Variants in CSNK1G1 observed in about 807,000 individuals in gnomAD.
The protein encoded by CSNK1G1 is casein kinase I isoform gamma-1.
A neutral mutation model predicts 59.6 loss-of-function variants in CSNK1G1; 22 were observed. That is an observed-to-expected ratio of 0.37 (90% CI 0.26 to 0.53). CSNK1G1 has a LOEUF of 0.53. Among genes scored for constraint, CSNK1G1 ranks in the 20% least tolerant of loss-of-function variants. CSNK1G1 has a pLI of 0.89. For missense variants in CSNK1G1, 384 were observed against 519.5 expected, an observed-to-expected ratio of 0.74 and a Z score of 2.54; for synonymous variants, 179 against 177.1, an observed-to-expected ratio of 1.01 and a Z score of -0.08.
At position 64,216,934 on chromosome 15, in the gene CSNK1G1, G is replaced by A. The variant is rs1284632796; in HGVS notation, c.293-221C>T. ...GTCATTGCACAATACGTTCAAATGA[G>A]TAGTTATTTAATACCACAGTGCCAA... On this transcript the variant is annotated intron_variant, in intron 4 of 11. Coordinates refer to ENST00000303052, the MANE Select transcript of CSNK1G1 (RefSeq NM_022048.5). This position sits in a 1 kb window ranked among gnomAD's most constrained non-coding sequence, Gnocchi z 4.6. 6.6e-6 allele frequency among the ~76,000 whole-genome samples: 1 copy of A among 152,216 alleles called. No individual in the cohort carries two copies. Among genetic ancestry groups the A allele is most frequent in the Non-Finnish European group, 1.5e-5 (1 of 68,048 alleles).
intron 7 of CSNK1G1, among the ~76,000 whole-genome samples, chr15:64,206,679 A>T (rs115040841): frequency 0.012 from 1,845 of 152,006 alleles, 28 homozygotes; most frequent in African/African-American, 0.043. Flanking sequence ...CTAGCCAAAC[A>T]GCCAAAGGCA....
intron 4 of CSNK1G1, among the ~76,000 whole-genome samples, chr15:64,232,648 G>A (rs896141513): frequency 6.6e-6 from 1 of 152,090 alleles, no homozygotes; most frequent in African/African-American, 2.4e-5. Context: ...GTGACTAAGG[G>A]CTGTGGTCAG....
rs2081665274 is a variant in CSNK1G1, at chr15:64,171,575, T to TA, written c.*355dup. ...ATGCTGGAGAGGGTTGAGGGTGGGGTAAAAACCAGGAGTAAACTAAGGGGA... is the reference window on the plus strand; with the variant it reads ...ATGCTGGAGAGGGTTGAGGGTGGGGTAAAAAACCAGGAGTAAACTAAGGGGA... On this transcript the variant is annotated 3_prime_UTR_variant, in exon 12 of 12. Transcript: ENST00000303052. The surrounding 1 kb of genome is among the most constrained non-coding windows in gnomAD (Gnocchi z 4.8). 7.7e-6 allele frequency: 2 copies of TA among 260,706 alleles called. No individual in the cohort carries two copies. Among genetic ancestry groups the TA allele is most frequent in the Non-Finnish European group, 1.5e-5 (2 of 134,288 alleles). The allele number at this position is 260,706 out of a possible 1,614,324, so 16.1% of individuals were successfully genotyped here.
chr15:64,270,779 A>G (rs533341366), intron 2 of CSNK1G1, among the ~76,000 whole-genome samples: 2 of 150,238 alleles, frequency 1.3e-5, no homozygotes, highest in African/African-American at 4.9e-5. Context: ...AAAAAACACT[A>G]CCTGAGCTGT....
chr15:64,336,953 C>T (rs1039691591), intron 1 of CSNK1G1, among the ~76,000 whole-genome samples: 3 of 152,082 alleles, frequency 2.0e-5, no homozygotes, highest in African/African-American at 2.4e-5. Flanking sequence ...CTCGGCCGGG[C>T]GCAGTGGCTC....
intron 4 of CSNK1G1, among the ~76,000 whole-genome samples, chr15:64,249,925 C>G (rs912225320): frequency 1.4e-4 from 21 of 152,128 alleles, no homozygotes; most frequent in Admixed American, 1.4e-3. Context: ...CAGAGGAAAT[C>G]CTGAAAACTG....
chr15:64,187,175 G>A (rs2081908126), intron 10 of CSNK1G1, among the ~76,000 whole-genome samples: 1 of 151,240 alleles, frequency 6.6e-6, no homozygotes, highest in Admixed American at 6.6e-5. Context: ...TTGTTGCTCA[G>A]TCTTGTCCAA....
intron 10 of CSNK1G1, among the ~76,000 whole-genome samples, chr15:64,192,840 T>TAAAAA (rs66643774): frequency 3.7e-4 from 12 of 32,226 alleles, no homozygotes; most frequent in African/African-American, 8.3e-4. Context: ...GAGATCTGCC[T>TAAAAA]AAAAAAAAAA....
chr15:64,319,612 C>G (rs1896452413), intron 1 of CSNK1G1, among the ~76,000 whole-genome samples: 1 of 152,086 alleles, frequency 6.6e-6, no homozygotes, highest in Non-Finnish European at 1.5e-5. Flanking sequence ...GTGGCACGAT[C>G]TCGCTCACTG....
At chr15:64,296,783 G>A (rs1381622920) in intron 2 of CSNK1G1, among the ~76,000 whole-genome samples, 1 of 151,744 alleles carries the variant, frequency 6.6e-6, no homozygotes, top group African/African-American at 2.4e-5. Context: ...AGAATCACTT[G>A]AACCCGGGAG....
chr15:64,178,482 CTTTTTTTTTTTTT>C (rs1175775132), intron 11 of CSNK1G1, among the ~76,000 whole-genome samples: 1,285 of 123,770 alleles, frequency 0.01, 11 homozygotes, highest in Admixed American at 0.016. Context: ...CAAAAATTTT[CTTTTTTTTTTTTT>C]TTTTTGAGAT....
In CSNK1G1 at chr15:64,165,899, T is replaced by C; in HGVS notation, c.*6032A>G. The stretch of plus-strand genomic sequence containing the variant: ...ATCACATATCAGAACCCATTTTCCA[T>C]TTTCTCCAAAGAAGGCTACTTCCTC... On this transcript the variant is annotated 3_prime_UTR_variant, in exon 12 of 12. Coordinates refer to ENST00000303052, the MANE Select transcript of CSNK1G1 (RefSeq NM_022048.5). The C allele has an allele frequency of 2.0e-6, 1 of 509,486 alleles. No homozygotes were observed. The highest frequency in any genetic ancestry group is 3.5e-6 in the Non-Finnish European group (1 of 288,996). The allele number at this position is 509,486 out of a possible 1,614,324, so 31.6% of individuals were successfully genotyped here. A position where few individuals can be genotyped will look rare whatever the true frequency, so the allele number is the denominator to read the frequency against.
rs574633845 is a variant in CSNK1G1 at position 64,178,788 on chromosome 15, T to G, written c.1214+1560A>C. ...AGCCACTGCACCTGGCCAAAAACTTTTGTGTGTGTGTGTGTGACAGGGTCG... is the reference window on the plus strand; with the variant it reads ...AGCCACTGCACCTGGCCAAAAACTTGTGTGTGTGTGTGTGTGACAGGGTCG... On this transcript the variant is annotated intron_variant, in intron 11 of 11. Coordinates refer to ENST00000303052, the MANE Select transcript of CSNK1G1 (RefSeq NM_022048.5). 1.3e-4 allele frequency among the ~76,000 whole-genome samples: 19 copies of G among 150,028 alleles called. No individual in the cohort carries two copies. In the South Asian group the frequency reaches 2.7e-3, roughly 22 times the overall value.
In CSNK1G1 at chr15:64,214,344, G is replaced by A. The variant is rs531508878; in HGVS notation, c.445-220C>T. Among the ~76,000 whole-genome samples, 73 of 152,320 alleles carry A rather than the reference G, an allele frequency of 4.8e-4. No homozygotes were observed. The highest frequency in any genetic ancestry group is 1.7e-3 in the African/African-American group (72 of 41,576). On this transcript the variant is annotated intron_variant, in intron 5 of 11. Transcript: ENST00000303052. The surrounding 1 kb of genome is among the most constrained non-coding windows in gnomAD (Gnocchi z 4.3). ...CAAGACTAGGAAAAAAAGTGGGATA[G>A]TACAGGTCTGCTAAAATGATAGCTC...
At chr15:64,203,000 A>C (rs370374725) in intron 10 of CSNK1G1, 82 bp downstream of exon 10, 72 of 982,156 alleles carry the variant, frequency 7.3e-5, no homozygotes, top group Middle Eastern at 6.2e-4. Context: ...CATACACTAA[A>C]GCGGAGAAGC....
chr15:64,345,607 A>C (rs1404433719), intron 1 of CSNK1G1, among the ~76,000 whole-genome samples: 1 of 152,176 alleles, frequency 6.6e-6, no homozygotes, highest in African/African-American at 2.4e-5. Context: ...ATAATTAAGC[A>C]GTTGTCAATT....
intron 10 of CSNK1G1, among the ~76,000 whole-genome samples, chr15:64,184,254 G>T (rs2081859329): frequency 6.6e-6 from 1 of 152,006 alleles, no homozygotes; most frequent in Admixed American, 6.5e-5. Flanking sequence ...AGTGAGCAGA[G>T]ATCATGCCAC....
At chr15:64,283,430 C>T (rs1295226002) in intron 2 of CSNK1G1, among the ~76,000 whole-genome samples, 1 of 152,082 alleles carries the variant, frequency 6.6e-6, no homozygotes, top group Non-Finnish European at 1.5e-5. Flanking sequence ...GCAACCTCTG[C>T]CTCCCGGGTT....
chr15:64,224,411 G>T (rs1476903862), intron 4 of CSNK1G1, among the ~76,000 whole-genome samples: 2 of 152,122 alleles, frequency 1.3e-5, no homozygotes, highest in African/African-American at 4.8e-5. Flanking sequence ...TTATTCCATT[G>T]TAAGTAACGA....
Sources: allele counts gnomAD v4.1 joint callset (sites outside exome capture counted in the v4.1 genomes callset), GRCh38; gene constraint gnomAD v4.1.1; non-coding constraint Gnocchi (gnomAD v3.1); transcripts MANE v1.5; gene names NCBI Gene and HGNC (gene_info 2026-07-23, HGNC 2026-07-21).